Variants in CTNND2 observed in about 807,000 individuals in gnomAD.
The protein encoded by CTNND2 is catenin delta 2.
In CTNND2, 22 loss-of-function variants were observed where a neutral mutation model predicts 144.4. The ratio of observed to expected loss-of-function variants is 0.15; its 90% confidence interval spans 0.11 to 0.22. The LOEUF is 0.22. CTNND2 is among the 10% of genes least tolerant of loss of function. CTNND2 has a pLI of 1.00. For synonymous variants in CTNND2, 751 were observed against 695.6 expected (o/e 1.08, Z -1.25); for missense variants, 1,353 against 1,618.8 (o/e 0.84, Z 2.82).
At position 11,771,280 on chromosome 5, in the gene CTNND2, C is replaced by T. The variant is rs1484090563; in HGVS notation, c.38-39008G>A. On this transcript the variant is annotated intron_variant, in intron 1 of 21. Coordinates refer to ENST00000304623, the MANE Select transcript of CTNND2 (RefSeq NM_001332.4). ...GATGTCAGCTCACTGCAACCTCCAC[C>T]TTCCGGCTAATTTTTGTATTTTTAG... Among the ~76,000 whole-genome samples, 8 of 142,428 alleles carry T rather than the reference C, an allele frequency of 5.6e-5. No homozygotes were observed. The Admixed American group carries it at 6.3e-4, about 11-fold the overall frequency. The allele number at this position is 142,428 out of a possible 152,430, so 93.4% of individuals were successfully genotyped here. A position where few individuals can be genotyped will look rare whatever the true frequency, so the allele number is the denominator to read the frequency against.
chr5:11,553,663 A>G (rs1428070761), intron 3 of CTNND2, among the ~76,000 whole-genome samples: 12 of 152,194 alleles, frequency 7.9e-5, no homozygotes. Flanking sequence ...ATGGAATTAC[A>G]AACTCCATGT....
chr5:11,151,372 G>A (rs1757744839), intron 12 of CTNND2, among the ~76,000 whole-genome samples: 1 of 152,136 alleles, frequency 6.6e-6, no homozygotes, highest in South Asian at 2.1e-4. Context: ...AAGTTATGAA[G>A]GATTTAAAGA....
chr5:11,304,514 G>C (rs1749973658), intron 9 of CTNND2, among the ~76,000 whole-genome samples: 1 of 152,142 alleles, frequency 6.6e-6, no homozygotes, highest in African/African-American at 2.4e-5. Context: ...CCTGAAACTT[G>C]TATAATAATT....
At chr5:11,225,100 A>G (rs995206691) in intron 10 of CTNND2, among the ~76,000 whole-genome samples, 9 of 152,176 alleles carry the variant, frequency 5.9e-5, no homozygotes, top group Non-Finnish European at 1.0e-4. Flanking sequence ...CAACAACAAA[A>G]AAAACCAGGA....
At position 11,523,581 on chromosome 5, in the gene CTNND2, G is replaced by A. The variant is rs187147788; in HGVS notation, c.287+41363C>T. On this transcript the variant is annotated intron_variant, in intron 3 of 21. Transcript: ENST00000304623. ...CAGAGTACTAGAGGCTGGAGTCCACGTTTCTTCAGAGAAGAACTTTTGATG... is the reference window on the plus strand; with the variant it reads ...CAGAGTACTAGAGGCTGGAGTCCACATTTCTTCAGAGAAGAACTTTTGATG... 4.1e-4 allele frequency among the ~76,000 whole-genome samples: 63 copies of A among 152,262 alleles called. 1 individual carries two copies. The highest frequency in any genetic ancestry group is 2.9e-5 in the Non-Finnish European group (2 of 68,016).
chr5:11,384,870 G>A lies in CTNND2; in HGVS notation c.972C>T (p.Ala324=), dbSNP rs774018497. 8 of 1,612,220 alleles carry A rather than the reference G, an allele frequency of 5.0e-6. No individual in the cohort carries two copies. Among genetic ancestry groups the A allele is most frequent in the Non-Finnish European group, 5.9e-6 (7 of 1,179,452 alleles). The part of the protein sequence containing the change: ...SSPINIVVSS[A]GLSPIRVTSP... ...AGGTCACGCGGATCGGGGACAGGCC[G>A]GCCGAGGACACGACGATGTTGATGG... Residue 324 remains alanine, a synonymous_variant, in exon 7 of 22, where the codon GCC becomes GCT. Coordinates refer to ENST00000304623, the MANE Select transcript of CTNND2 (RefSeq NM_001332.4). This position sits in a 1 kb window ranked among gnomAD's most constrained non-coding sequence, Gnocchi z 5.2.
Position 11,282,059 on chromosome 5 carries a change from T to C in CTNND2, c.1629-45236A>G, listed in dbSNP as rs114710987. Among the ~76,000 whole-genome samples, 459 of 152,138 alleles carry C rather than the reference T, an allele frequency of 3.0e-3. 2 individuals carry two copies. Among genetic ancestry groups the C allele is most frequent in the African/African-American group, 0.01 (433 of 41,522 alleles). ...TATCTCTGTTCCAGGCAGTATAACA[T>C]GAAGAGACTGAACTGGCATTGGAGA... On this transcript the variant is annotated intron_variant, in intron 9 of 21. Coordinates refer to ENST00000304623, the MANE Select transcript of CTNND2 (RefSeq NM_001332.4).
At chr5:11,762,354 CGT>C (rs990787639) in intron 1 of CTNND2, among the ~76,000 whole-genome samples, 3 of 152,056 alleles carry the variant, frequency 2.0e-5, no homozygotes, top group African/African-American at 7.2e-5. Context: ...AGAATAGAAA[CGT>C]AAGTTTTGGT....
chr5:11,528,782 G>C (rs1476016932), intron 3 of CTNND2, among the ~76,000 whole-genome samples: 1 of 152,224 alleles, frequency 6.6e-6, no homozygotes, highest in Admixed American at 6.5e-5. Context: ...CAGCGACCTA[G>C]CTCTGACAGA....
At chr5:11,029,780 C>T (rs1486456911) in intron 16 of CTNND2, among the ~76,000 whole-genome samples, 1 of 152,134 alleles carries the variant, frequency 6.6e-6, no homozygotes, top group Non-Finnish European at 1.5e-5. Context: ...ATGTAGAAAA[C>T]AAAAGTAGCA....
At chr5:11,195,611 G>A (rs1736785320) in intron 11 of CTNND2, among the ~76,000 whole-genome samples, 1 of 152,198 alleles carries the variant, frequency 6.6e-6, no homozygotes, top group African/African-American at 2.4e-5. Flanking sequence ...TCAGACGGAT[G>A]GACACTGTGC....
At position 11,384,826 on chromosome 5, in the gene CTNND2, G is replaced by A; in HGVS notation, c.1016C>T (p.Ser339Phe). Residue 339 changes from serine to phenylalanine, a missense_variant, in exon 7 of 22, where the codon TCC becomes TTC. Physicochemically the swap from Ser to Phe is radical, Grantham distance 155 (BLOSUM62 -2). Coordinates refer to ENST00000304623, the MANE Select transcript of CTNND2 (RefSeq NM_001332.4). The surrounding 1 kb of genome is among the most constrained non-coding windows in gnomAD (Gnocchi z 5.2). The stretch of plus-strand genomic sequence containing the variant: ...GTGGATGGGCGAGGAGGAGATGGTG[G>A]ACTGCACGGTGGGGGGCGAGGTCAC... The part of the protein sequence containing the change: ...IRVTSPPTVQ[S>F]TISSSPIHQL... 6.2e-7 allele frequency: 1 copy of A among 1,613,268 alleles called. No homozygotes were observed. Among genetic ancestry groups the A allele is most frequent in the Non-Finnish European group, 8.5e-7 (1 of 1,179,700 alleles).
intron 12 of CTNND2, among the ~76,000 whole-genome samples, chr5:11,149,635 G>A (rs957385500): frequency 1.3e-5 from 2 of 152,084 alleles, no homozygotes; most frequent in African/African-American, 2.4e-5. Context: ...GTACCTCTAC[G>A]GAAAGACAGT....
chr5:11,552,473 C>CT (rs1775847332), intron 3 of CTNND2, among the ~76,000 whole-genome samples: 2 of 152,130 alleles, frequency 1.3e-5, no homozygotes, highest in South Asian at 2.1e-4. Flanking sequence ...AATCTCATTA[C>CT]TTTTTTACTA....
chr5:11,548,183 C>T (rs12659934), intron 3 of CTNND2, among the ~76,000 whole-genome samples: 4,773 of 152,214 alleles, frequency 0.031, 228 homozygotes, highest in East Asian at 0.23. Context: ...AGGCAAACCA[C>T]GTAATACTTT....
chr5:11,358,463 T>C (rs955198016), intron 8 of CTNND2, among the ~76,000 whole-genome samples: 2 of 152,190 alleles, frequency 1.3e-5, no homozygotes, highest in Admixed American at 1.3e-4. Flanking sequence ...CTAAGAAAAG[T>C]GAAAATTTTA....
intron 1 of CTNND2, among the ~76,000 whole-genome samples, chr5:11,814,796 A>G: frequency 6.6e-6 from 1 of 152,240 alleles, no homozygotes; most frequent in Middle Eastern, 3.2e-3. Context: ...ATGAAAGGAT[A>G]GCAGAATAGC....
At chr5:11,376,472 A>G (rs964785373) in intron 7 of CTNND2, among the ~76,000 whole-genome samples, 13 of 152,124 alleles carry the variant, frequency 8.5e-5, no homozygotes, top group Admixed American at 7.2e-4. Flanking sequence ...AATTTATCAT[A>G]TTTGAGAAAG....
intron 2 of CTNND2, among the ~76,000 whole-genome samples, chr5:11,660,929 AAAG>A (rs1561667420): frequency 6.6e-6 from 1 of 152,204 alleles, no homozygotes; most frequent in Non-Finnish European, 1.5e-5. Flanking sequence ...GGAAACTTTT[AAAG>A]AAGAATGTGA....
Sources: allele counts gnomAD v4.1 joint callset (sites outside exome capture counted in the v4.1 genomes callset), GRCh38; gene constraint gnomAD v4.1.1; non-coding constraint Gnocchi (gnomAD v3.1); transcripts MANE v1.5; gene names NCBI Gene and HGNC (gene_info 2026-07-23, HGNC 2026-07-21).